PRKCI: variants seen among roughly 807,000 people sequenced by gnomAD.
PRKCI encodes protein kinase C iota.
In PRKCI, 43 loss-of-function variants were observed where a neutral mutation model predicts 84.0. The observed-to-expected ratio is 0.51, with a 90% CI of 0.40 to 0.66. The LOEUF is 0.66. Among genes scored for constraint, PRKCI ranks in the 30% least tolerant of loss-of-function variants. The probability of loss-of-function intolerance (pLI) is 0.00; values close to 1 mark genes in which losing one functional copy is unlikely to be tolerated. For missense variants in PRKCI, 459 were observed against 745.6 expected (o/e 0.62, Z 4.48); for synonymous variants, 216 against 234.4 (o/e 0.92, Z 0.72).
At chr3:170,280,056 G>T in intron 8 of PRKCI, 171 bp from the exon 9 acceptor site, 5 of 548,948 alleles carry the variant, frequency 9.1e-6, no homozygotes, top group South Asian at 3.6e-5. Flanking sequence ...ATATAATCTG[G>T]ATAGTTAGAT....
chr3:170,282,578 T>G (rs1273538472), intron 11 of PRKCI, among the ~76,000 whole-genome samples: 3 of 150,910 alleles, frequency 2.0e-5, no homozygotes, highest in Admixed American at 6.6e-5. Context: ...GTGCCTGTAA[T>G]CCCAGCTACT....
chr3:170,287,767 C>G (rs999858686), intron 12 of PRKCI, among the ~76,000 whole-genome samples: 1 of 151,594 alleles, frequency 6.6e-6, no homozygotes, highest in African/African-American at 2.4e-5. Context: ...AAAAGATTAG[C>G]TGGGCATGGT....
intron 8 of PRKCI, among the ~76,000 whole-genome samples, chr3:170,276,038 A>G (rs1734105682): frequency 6.8e-6 from 1 of 146,582 alleles, no homozygotes; most frequent in Non-Finnish European, 1.5e-5. Flanking sequence ...GGCTCAAGTT[A>G]TCTTCCCACC....
At chr3:170,300,314 C>T (rs961062728) in intron 17 of PRKCI, among the ~76,000 whole-genome samples, 23 of 152,284 alleles carry the variant, frequency 1.5e-4, no homozygotes, top group Middle Eastern at 3.4e-3. Flanking sequence ...CTCAGAATTG[C>T]TTTCTAACTC....
intron 11 of PRKCI, 36 bp from the exon 12 acceptor site, chr3:170,284,425 G>A: frequency 6.7e-7 from 1 of 1,487,430 alleles, no homozygotes; most frequent in South Asian, 1.2e-5. Flanking sequence ...CTTAAATATG[G>A]TTGAATCAAA....
chr3:170,276,823 A>G (rs958012197), intron 8 of PRKCI, among the ~76,000 whole-genome samples: 1 of 152,192 alleles, frequency 6.6e-6, no homozygotes, highest in East Asian at 1.9e-4. Context: ...CACGCAGCAA[A>G]AGAATCCACC....
chr3:170,281,707 G>T (rs1734255899), intron 10 of PRKCI, 175 bp from the exon 11 acceptor site: 1 of 730,392 alleles, frequency 1.4e-6, no homozygotes, highest in Non-Finnish European at 2.0e-6. Context: ...TATCATGCTG[G>T]TTTACTTTCT....
In PRKCI at chr3:170,304,372, C is replaced by T. The variant is rs938443347; in HGVS notation, c.*1245C>T. 1 of 152,142 alleles carries T rather than the reference C, an allele frequency of 6.6e-6. No homozygotes were observed. Among genetic ancestry groups the T allele is most frequent in the African/African-American group, 2.4e-5 (1 of 41,420 alleles). 9.4% of individuals were successfully genotyped at this position (152,142 alleles called of 1,614,324 possible). ...TGTTACCAAACTTGTAAAAGCATTCCATGTATTCAGTGGAGGCAGAATGTA... is the reference window on the plus strand; with the variant it reads ...TGTTACCAAACTTGTAAAAGCATTCTATGTATTCAGTGGAGGCAGAATGTA... On this transcript the variant is annotated 3_prime_UTR_variant, in exon 18 of 18. Transcript: ENST00000295797.
chr3:170,255,542 A>G (rs1202615607), intron 2 of PRKCI, among the ~76,000 whole-genome samples: 1 of 152,124 alleles, frequency 6.6e-6, no homozygotes, highest in Non-Finnish European at 1.5e-5. Context: ...ATCTGTTCTA[A>G]TAGTTTTTTT....
At chr3:170,296,929 A>C (rs1734699375) in intron 15 of PRKCI, among the ~76,000 whole-genome samples, 1 of 152,142 alleles carries the variant, frequency 6.6e-6, no homozygotes, top group African/African-American at 2.4e-5. Flanking sequence ...GGGGATTTTA[A>C]ATTAAGCTAA....
At chr3:170,280,740 G>T (rs966719699) in intron 9 of PRKCI, among the ~76,000 whole-genome samples, 1 of 151,982 alleles carries the variant, frequency 6.6e-6, no homozygotes, top group Non-Finnish European at 1.5e-5. Flanking sequence ...GTGAGCCACC[G>T]CACCCAGCCA....
intron 12 of PRKCI, among the ~76,000 whole-genome samples, chr3:170,286,155 G>T (rs1463458947): frequency 6.6e-6 from 1 of 151,752 alleles, no homozygotes; most frequent in African/African-American, 2.4e-5. Flanking sequence ...GCGAACTCCT[G>T]ACCTCAGGTG....
At chr3:170,276,442 T>C (rs1014995382) in intron 8 of PRKCI, among the ~76,000 whole-genome samples, 1 of 151,570 alleles carries the variant, frequency 6.6e-6, no homozygotes, top group African/African-American at 2.4e-5. Context: ...AAAAGTCTTT[T>C]TTTCTTTTTA....
chr3:170,288,138 C>T (rs1346022549), intron 12 of PRKCI, among the ~76,000 whole-genome samples: 3 of 150,562 alleles, frequency 2.0e-5, no homozygotes, highest in Non-Finnish European at 4.4e-5. Context: ...CCCAGCTACT[C>T]GGGAGGCTGA....
At chr3:170,238,464 CTTT>C (rs34392317) in intron 2 of PRKCI, among the ~76,000 whole-genome samples, 2 of 144,142 alleles carry the variant, frequency 1.4e-5, no homozygotes. Flanking sequence ...CATCATTACT[CTTT>C]TTTTTTTTTT....
At chr3:170,228,621 A>G (rs1048783506) in intron 1 of PRKCI, among the ~76,000 whole-genome samples, 1 of 140,440 alleles carries the variant, frequency 7.1e-6, no homozygotes, top group African/African-American at 2.8e-5. Flanking sequence ...ATATATACAC[A>G]CACACACACA....
At chr3:170,275,926 G>C (rs1052542942) in intron 8 of PRKCI, among the ~76,000 whole-genome samples, 2 of 146,148 alleles carry the variant, frequency 1.4e-5, no homozygotes, top group African/African-American at 5.1e-5. Context: ...TCTCTTTCCC[G>C]TATCATTCTT....
intron 17 of PRKCI, 137 bp from the exon 18 acceptor site, chr3:170,302,903 G>C: frequency 1.8e-6 from 1 of 548,982 alleles, no homozygotes; most frequent in East Asian, 3.3e-5. Context: ...TAGAAAATCT[G>C]GGGGATTAAT....
intron 8 of PRKCI, among the ~76,000 whole-genome samples, chr3:170,276,015 C>T (rs1479976556): frequency 1.3e-5 from 2 of 149,800 alleles, no homozygotes; most frequent in South Asian, 4.2e-4. Flanking sequence ...CTCACTGCAA[C>T]CTTAAACTCC....
Sources: gnomAD v4.1 joint callset for allele counts (sites outside exome capture counted in the v4.1 genomes callset) on GRCh38, gnomAD v4.1.1 for gene constraint, MANE v1.5 for transcripts, NCBI Gene and HGNC (gene_info 2026-07-23, HGNC 2026-07-21) for gene names.